The following GPC5 variants were observed in gnomAD, a reference collection of about 807,000 sequenced individuals.
GPC5 encodes the protein glypican-5.
GPC5 carries 47 observed loss-of-function variants against 53.9 expected under a neutral mutation model. The ratio of observed to expected loss-of-function variants is 0.87; its 90% CI spans 0.69 to 1.11. The LOEUF (loss-of-function observed/expected upper bound fraction) is 1.11, where lower values mean the gene tolerates loss of function less well. GPC5 is among the 50% of genes most tolerant of loss of function. The probability of loss-of-function intolerance (pLI) is 0.00; values close to 1 mark genes in which losing one functional copy is unlikely to be tolerated. For synonymous variants in GPC5, 286 were observed against 263.3 expected (o/e 1.09, Z -0.84); for missense variants, 748 against 713.1 (o/e 1.05, Z -0.56).
chr13:91,629,250 A>G (rs924935249), intron 2 of GPC5, among the ~76,000 whole-genome samples: 1 of 152,194 alleles, frequency 6.6e-6, no homozygotes. Flanking sequence ...GCAAATTTCC[A>G]AAAGACTGAA....
intron 6 of GPC5, among the ~76,000 whole-genome samples, chr13:92,050,912 T>C (rs2041022439): frequency 6.6e-6 from 1 of 152,240 alleles, no homozygotes; most frequent in African/African-American, 2.4e-5. Flanking sequence ...AATTGGACTC[T>C]CTGAAGTATG....
chr13:92,435,241 A>G (rs1489061488), intron 7 of GPC5, among the ~76,000 whole-genome samples: 2 of 152,220 alleles, frequency 1.3e-5, no homozygotes, highest in Non-Finnish European at 2.9e-5. Flanking sequence ...AGAAAATTAA[A>G]TGACATATAG....
intron 7 of GPC5, among the ~76,000 whole-genome samples, chr13:92,204,496 G>A (rs559656943): frequency 8.5e-5 from 13 of 152,250 alleles, no homozygotes; most frequent in African/African-American, 2.6e-4. Flanking sequence ...GAAACCAACA[G>A]CAAGGAATCA....
chr13:91,458,643 A>C (rs1881720809), intron 2 of GPC5, among the ~76,000 whole-genome samples: 1 of 152,136 alleles, frequency 6.6e-6, no homozygotes, highest in African/African-American at 2.4e-5. Flanking sequence ...GCACTTTTAC[A>C]CTACTGGTGG....
chr13:92,438,131 G>A (rs951817394), intron 7 of GPC5, among the ~76,000 whole-genome samples: 1 of 151,900 alleles, frequency 6.6e-6, no homozygotes, highest in Non-Finnish European at 1.5e-5. Context: ...GCCTACCGAT[G>A]TGTTTAGTGC....
chr13:91,886,109 A>G (rs1021466272), intron 5 of GPC5, among the ~76,000 whole-genome samples: 4 of 152,158 alleles, frequency 2.6e-5, no homozygotes, highest in African/African-American at 9.7e-5. Flanking sequence ...ATAAAGAAAA[A>G]AAGGTTTAAT....
intron 7 of GPC5, among the ~76,000 whole-genome samples, chr13:92,799,428 G>C (rs1245476241): frequency 1.3e-5 from 2 of 151,692 alleles, no homozygotes; most frequent in East Asian, 3.9e-4. Flanking sequence ...CATAATCACT[G>C]ATTGGATAAA....
At chr13:92,661,021 G>C (rs1886322698) in intron 7 of GPC5, among the ~76,000 whole-genome samples, 1 of 151,886 alleles carries the variant, frequency 6.6e-6, no homozygotes, top group Non-Finnish European at 1.5e-5. Context: ...CTCACACAGG[G>C]CAGGGATGGT....
At chr13:91,820,099 T>TG (rs2038467115) in intron 5 of GPC5, among the ~76,000 whole-genome samples, 1 of 152,022 alleles carries the variant, frequency 6.6e-6, no homozygotes, top group Non-Finnish European at 1.5e-5. Flanking sequence ...TCATTGTCAT[T>TG]GTTGGTGGTG....
chr13:91,470,871 A>G (rs1490923576), intron 2 of GPC5, among the ~76,000 whole-genome samples: 2 of 152,120 alleles, frequency 1.3e-5, no homozygotes, highest in African/African-American at 4.8e-5. Context: ...GATATATTAG[A>G]CTGAATCTAT....
intron 2 of GPC5, among the ~76,000 whole-genome samples, chr13:91,658,413 A>T (rs1926659): frequency 0.21 from 31,577 of 151,700 alleles, 5,190 homozygotes; most frequent in African/African-American, 0.45. Flanking sequence ...TAAGTTCATA[A>T]TCATTCTTTT....
intron 7 of GPC5, among the ~76,000 whole-genome samples, chr13:92,512,089 A>G (rs1880587284): frequency 6.6e-6 from 1 of 152,188 alleles, no homozygotes; most frequent in African/African-American, 2.4e-5. Context: ...TCCTGTTTTC[A>G]ATAGCAAAGC....
intron 7 of GPC5, among the ~76,000 whole-genome samples, chr13:92,650,911 T>C (rs899948901): frequency 6.6e-6 from 1 of 152,044 alleles, no homozygotes; most frequent in East Asian, 1.9e-4. Flanking sequence ...CCTCTAAGTT[T>C]CCTCCCCTCA....
intron 6 of GPC5, among the ~76,000 whole-genome samples, chr13:92,038,256 G>A (rs1397058420): frequency 1.3e-5 from 2 of 151,818 alleles, no homozygotes; most frequent in African/African-American, 4.8e-5. Context: ...GGTTATCAGA[G>A]ATCGGTACTA....
At position 92,475,047 on chromosome 13, in the gene GPC5, A is replaced by G. The variant is rs1261650308; in HGVS notation, c.1561+330058A>G. ...TAACTTTATTTTTAACTAGTAAATTATAACCAGGAAGTATACTCACAAACT... is the reference window on the plus strand; with the variant it reads ...TAACTTTATTTTTAACTAGTAAATTGTAACCAGGAAGTATACTCACAAACT... On this transcript the variant is annotated intron_variant, in intron 7 of 7. Transcript: ENST00000377067. 4.6e-5 allele frequency among the ~76,000 whole-genome samples: 7 copies of G among 152,150 alleles called. No homozygotes were observed. The East Asian group carries it at 1.2e-3, about 25-fold the overall frequency.
chr13:91,710,288 G>T lies in GPC5; in HGVS notation c.1020+16407G>T, dbSNP rs145351971. On this transcript the variant is annotated intron_variant, in intron 3 of 7. Coordinates refer to ENST00000377067, the MANE Select transcript of GPC5 (RefSeq NM_004466.6). ...TTTCAGGCATTTATAATATTTTATTGAATCTTAAATTACTAACACTTCATA... is the reference window on the plus strand; with the variant it reads ...TTTCAGGCATTTATAATATTTTATTTAATCTTAAATTACTAACACTTCATA... Among the ~76,000 whole-genome samples the T allele has an allele frequency of 8.1e-3, 1,233 of 152,244 alleles. 15 individuals are homozygous for T. The highest frequency in any genetic ancestry group is 0.028 in the African/African-American group (1,163 of 41,544).
At chr13:91,785,138 C>T (rs530111787) in intron 5 of GPC5, among the ~76,000 whole-genome samples, 69 of 152,330 alleles carry the variant, frequency 4.5e-4, no homozygotes, top group Non-Finnish European at 3.2e-4. Flanking sequence ...CTTCTCTCCA[C>T]CATCTTTAAT....
intron 5 of GPC5, among the ~76,000 whole-genome samples, chr13:91,807,526 A>G (rs1164077180): frequency 6.6e-6 from 1 of 152,152 alleles, no homozygotes; most frequent in Non-Finnish European, 1.5e-5. Context: ...AGTGAGAACA[A>G]TTTTGTTTCT....
chr13:92,111,623 G>A (rs550784442), intron 6 of GPC5, among the ~76,000 whole-genome samples: 118 of 151,938 alleles, frequency 7.8e-4, no homozygotes, highest in Admixed American at 1.6e-3. Flanking sequence ...TCGCATAAGT[G>A]CTATAGCAAG....
Sources: allele counts gnomAD v4.1 joint callset (sites outside exome capture counted in the v4.1 genomes callset), GRCh38; gene constraint gnomAD v4.1.1; transcripts MANE v1.5; gene names NCBI Gene and HGNC (gene_info 2026-07-23, HGNC 2026-07-21).